IL17REL: variants seen among roughly 807,000 people sequenced by gnomAD.
IL17REL encodes the protein interleukin-17 receptor E-like protein.
Under a neutral mutation model 49.0 loss-of-function variants are expected in IL17REL, and 36 were observed. The observed-to-expected ratio is 0.73, with a 90% CI of 0.56 to 0.97. The LOEUF (loss-of-function observed/expected upper bound fraction) is 0.97, where lower values mean the gene tolerates loss of function less well. Among genes scored for constraint, IL17REL ranks in the 50% least tolerant of loss-of-function variants. The pLI, the probability that IL17REL is intolerant of heterozygous loss-of-function variation, is 0.00. For missense variants in IL17REL, 470 were observed against 453.9 expected (o/e 1.04, Z -0.32); for synonymous variants, 206 against 192.4 (o/e 1.07, Z -0.58).
At chr22:50,009,656 TG>T (rs1324135548), upstream of IL17REL, among the ~76,000 whole-genome samples, 1 of 29,942 alleles carries the variant, frequency 3.3e-5, no homozygotes, top group East Asian at 8.1e-4. Context: ...GGGGTGGGGG[TG>T]GGGGGAGCTC....
intron 1 of IL17REL, 36 bp from the exon 3 acceptor site, chr22:50,001,267 C>G (rs2061078716): frequency 1.1e-6 from 1 of 912,324 alleles, no homozygotes; most frequent in African/African-American, 1.6e-5. Context: ...CCTCGAGTTC[C>G]CTGGTGCTCG....
At chr22:50,010,075 C>G (rs2061130739), upstream of IL17REL, among the ~76,000 whole-genome samples, 1 of 148,010 alleles carries the variant, frequency 6.8e-6, no homozygotes, top group Non-Finnish European at 1.5e-5. Context: ...GCCTCTGAGT[C>G]TTCGTTCTCA....
At position 50,003,519 on chromosome 22, in the gene IL17REL, C is replaced by CAAAAAAAAA. The variant is rs142337526; in HGVS notation, c.-41-2297_-41-2289dup. ...CTGGAGACAGAGTGAGACTCCATCT[C>CAAAAAAAAA]AAAAAAAAAAAAAAAAAAAAAAAAG... On this transcript the variant is annotated intron_variant, in intron 1 of 12. Transcript: ENST00000341280. 1.3e-4 allele frequency among the ~76,000 whole-genome samples: 5 copies of CAAAAAAAAA among 39,086 alleles called. 1 individual carries two copies. Among genetic ancestry groups the CAAAAAAAAA allele is most frequent in the African/African-American group, 1.9e-4 (2 of 10,578 alleles). The allele number at this position is 39,086 out of a possible 152,430, so 25.6% of individuals were successfully genotyped here. A position where few individuals can be genotyped will look rare whatever the true frequency, so the allele number is the denominator to read the frequency against.
chr22:50,005,744 G>C (rs1407377814), intron 1 of IL17REL, among the ~76,000 whole-genome samples: 1 of 151,976 alleles, frequency 6.6e-6, no homozygotes, highest in African/African-American at 2.4e-5. Context: ...GGCGGAAGTT[G>C]CAGTGAGCCG....
chr22:50,006,971 A>AGGG, intron 1 of IL17REL, among the ~76,000 whole-genome samples: 1 of 149,548 alleles, frequency 6.7e-6, no homozygotes, highest in East Asian at 2.0e-4. Flanking sequence ...AAAAAAAAAA[A>AGGG]GGGAGGGGAT....
chr22:50,005,041 A>T (rs1159874284), intron 1 of IL17REL, among the ~76,000 whole-genome samples: 4 of 151,654 alleles, frequency 2.6e-5, no homozygotes, highest in African/African-American at 9.7e-5. Context: ...GAAAATGAGG[A>T]CATATACAGA....
At chr22:50,010,820 G>C (rs1324786207), upstream of IL17REL, among the ~76,000 whole-genome samples, 12 of 76 alleles carry the variant, frequency 0.16, no homozygotes, top group African/African-American at 0.31. Context: ...GAGCGGGGGC[G>C]GGGGGGGGCT....
At chr22:49,996,996 G>A (rs1289321035) in exon 12 of IL17REL, 1 of 1,505,324 alleles carries the variant, frequency 6.6e-7, no homozygotes, top group African/African-American at 1.4e-5. Flanking sequence ...ACACCCACCT[G>A]GATGCAGATG....
chr22:50,004,891 A>C (rs2061100325), intron 1 of IL17REL, among the ~76,000 whole-genome samples: 1 of 151,562 alleles, frequency 6.6e-6, no homozygotes, highest in Admixed American at 6.6e-5. Flanking sequence ...AGAAATGAGA[A>C]ATCTGCATCT....
At position 49,998,772 on chromosome 22, in the gene IL17REL, T is replaced by TG. The variant is rs2061054180; in HGVS notation, c.602-464_602-463insC. Reference sequence around the variant, plus strand: ...ATGGGTGCGTGTGCATGGGTGCGTGTCCATGGGTGTGGGTGTGCGTATGCA... The same window carrying TG: ...ATGGGTGCGTGTGCATGGGTGCGTGTGCCATGGGTGTGGGTGTGCGTATGCA... On this transcript the variant is annotated intron_variant, in intron 7 of 12. Coordinates refer to ENST00000341280, the Ensembl canonical transcript of IL17REL. Among the ~76,000 whole-genome samples the TG allele has an allele frequency of 3.3e-5, 5 of 150,174 alleles. 1 individual carries two copies. Among genetic ancestry groups the TG allele is most frequent in the Admixed American group, 6.6e-5 (1 of 15,096 alleles).
intron 2 of IL17REL, 80 bp from the exon 4 acceptor site, chr22:50,000,943 C>T: frequency 2.3e-6 from 3 of 1,292,668 alleles, no homozygotes; most frequent in South Asian, 1.4e-5. Context: ...GACCCTGTTC[C>T]TCTGCCTTCT....
chr22:49,999,718 C>CG (rs1222640154), intron 5 of IL17REL, 110 bp downstream of exon 7: 9,169 of 399,014 alleles, frequency 0.023, 1,084 homozygotes, highest in Non-Finnish European at 0.028. Flanking sequence ...GGGCGGGGCG[C>CG]GGGGGGTGGG....
At chr22:50,007,362 C>G (rs1483780710) in intron 1 of IL17REL, among the ~76,000 whole-genome samples, 1 of 152,018 alleles carries the variant, frequency 6.6e-6, no homozygotes, top group East Asian at 1.9e-4. Context: ...AGAGCTTTAT[C>G]TTTTATTTGT....
At chr22:49,997,941 C>T in intron 9 of IL17REL, 84 bp downstream of exon 11, 3 of 1,541,958 alleles carry the variant, frequency 1.9e-6, no homozygotes, top group South Asian at 2.3e-5. Flanking sequence ...CAGGGCTGGG[C>T]AAGGGCCCCT....
chr22:50,007,275 T>C (rs5771222), intron 1 of IL17REL, among the ~76,000 whole-genome samples: 82,469 of 151,932 alleles, frequency 0.54, 22,875 homozygotes, highest in South Asian at 0.76. Context: ...CGTAGGTTTA[T>C]GAGCTGTCAT....
rs1258275803 is a variant in IL17REL at position 49,999,663 on chromosome 22, G to A, written c.475-161C>T. On this transcript the variant is annotated intron_variant, in intron 5 of 12. Transcript: ENST00000341280. ...CGGAGGTGGGTGGGGCCCAGGCCTG[G>A]CCGGGGGCGGGGCGCGGAGGTGGGT... is the stretch of plus-strand genomic sequence containing the variant. Among the ~76,000 whole-genome samples the A allele has an allele frequency of 2.2e-4, 28 of 130,030 alleles. 2 individuals are homozygous for A. In the South Asian group the frequency reaches 6.4e-3, roughly 30 times the overall value. The allele number at this position is 130,030 out of a possible 152,430, so 85.3% of individuals were successfully genotyped here. A position where few individuals can be genotyped will look rare whatever the true frequency, so the allele number is the denominator to read the frequency against.
chr22:49,997,764 G>T, intron 9 of IL17REL, 22 bp from the exon 12 acceptor site: 1 of 1,612,960 alleles, frequency 6.2e-7, no homozygotes, highest in Non-Finnish European at 8.5e-7. Context: ...GGTGAGGGGT[G>T]CAGGAGGGTG....
At chr22:49,996,943 G>T (rs866028054) in intron 12 of IL17REL, 51 bp downstream of exon 14, 1 of 925,948 alleles carries the variant, frequency 1.1e-6, no homozygotes, top group Non-Finnish European at 1.6e-6. Context: ...GTGAACTGAG[G>T]TCCTGCAGTG....
exon 12 of IL17REL, chr22:49,997,003 G>A: frequency 6.6e-7 from 1 of 1,524,950 alleles, no homozygotes; most frequent in Middle Eastern, 1.8e-4. Flanking sequence ...CCTGGATGCA[G>A]ATGCCTGGGG....
Sources: allele counts gnomAD v4.1 joint callset (sites outside exome capture counted in the v4.1 genomes callset), GRCh38; gene constraint gnomAD v4.1.1; transcripts MANE v1.5; gene names NCBI Gene and HGNC (gene_info 2026-07-23, HGNC 2026-07-21).